Variants in HAPLN1 observed in about 807,000 individuals in gnomAD.
HAPLN1 encodes hyaluronan and proteoglycan link protein 1.
In HAPLN1, 13 loss-of-function variants were observed where a neutral mutation model predicts 36.5. That is an observed-to-expected ratio of 0.36 (90% CI 0.23 to 0.57). The LOEUF (loss-of-function observed/expected upper bound fraction) is 0.57, where lower values mean the gene tolerates loss of function less well. Among genes scored for constraint, HAPLN1 ranks in the 20% least tolerant of loss-of-function variants. The pLI is 0.83. For missense variants in HAPLN1, 407 were observed against 439.7 expected, an observed-to-expected ratio of 0.93 and a Z score of 0.66; for synonymous variants, 202 against 169.8, an observed-to-expected ratio of 1.19 and a Z score of -1.48.
chr5:83,705,762 C>T, intron 1 of HAPLN1, among the ~76,000 whole-genome samples: 1 of 151,908 alleles, frequency 6.6e-6, no homozygotes, highest in Non-Finnish European at 1.5e-5. Context: ...CAGAAAAACA[C>T]TCAAAAGATA....
At chr5:83,648,159 T>G (rs1259622289) in intron 3 of HAPLN1, among the ~76,000 whole-genome samples, 1 of 151,970 alleles carries the variant, frequency 6.6e-6, no homozygotes, top group Non-Finnish European at 1.5e-5. Flanking sequence ...TTGCCTGCTA[T>G]TTCTAGGTAG....
chr5:83,706,189 CAAA>C (rs1751646391), intron 1 of HAPLN1, among the ~76,000 whole-genome samples: 1 of 151,520 alleles, frequency 6.6e-6, no homozygotes, highest in Non-Finnish European at 1.5e-5. Context: ...TGTACCATTC[CAAA>C]AAATCAAGAA....
At chr5:83,685,118 T>C (rs2112612848) in intron 1 of HAPLN1, among the ~76,000 whole-genome samples, 1 of 152,316 alleles carries the variant, frequency 6.6e-6, no homozygotes, top group South Asian at 2.1e-4. Context: ...ATTTTCATAA[T>C]TGGTTATATC....
At chr5:83,649,262 C>T (rs1749975875) in intron 3 of HAPLN1, among the ~76,000 whole-genome samples, 2 of 151,568 alleles carry the variant, frequency 1.3e-5, no homozygotes, top group South Asian at 4.2e-4. Flanking sequence ...CTTATCCCAC[C>T]CTGCCACCAA....
chr5:83,688,116 G>A (rs1002562215), intron 1 of HAPLN1, among the ~76,000 whole-genome samples: 1 of 152,140 alleles, frequency 6.6e-6, no homozygotes, highest in Non-Finnish European at 1.5e-5. Flanking sequence ...TTTCTGGTCA[G>A]ACCCAAGTGT....
rs751299207 is a variant in HAPLN1 at position 83,644,474 on chromosome 5, G to A, written c.664C>T (p.Pro222Ser). The A allele has an allele frequency of 1.2e-6, 2 of 1,613,234 alleles. No individual in the cohort carries two copies. The highest frequency in any genetic ancestry group is 1.7e-6 in the Non-Finnish European group (2 of 1,179,634). Residue 222 changes from proline to serine, a missense_variant, in exon 4 of 5, where the codon CCC becomes TCC. Transcript: ENST00000274341. ...TTCTGCCCCCCACAGGGCTCTCTGGGCTTTGTGATGGGATATTGCACAGAG... is the reference window on the plus strand; with the variant it reads ...TTCTGCCCCCCACAGGGCTCTCTGGACTTTGTGATGGGATATTGCACAGAG... ...DGSVQYPITK[P>S]REPCGGQNTV... is the part of the protein sequence containing the mutation.
At chr5:83,708,850 T>G (rs1275735387) in intron 1 of HAPLN1, among the ~76,000 whole-genome samples, 1 of 152,164 alleles carries the variant, frequency 6.6e-6, no homozygotes, top group Admixed American at 6.5e-5. Flanking sequence ...CTAAAAATTA[T>G]CAGTTTATCT....
At chr5:83,647,024 T>G (rs1298394644) in intron 3 of HAPLN1, among the ~76,000 whole-genome samples, 1 of 152,206 alleles carries the variant, frequency 6.6e-6, no homozygotes, top group Non-Finnish European at 1.5e-5. Context: ...AATATTTTAA[T>G]TTATACTAAT....
intron 2 of HAPLN1, among the ~76,000 whole-genome samples, chr5:83,656,454 C>T (rs72771295): frequency 0.17 from 22,313 of 132,036 alleles, 2,130 homozygotes; most frequent in Non-Finnish European, 0.23. Flanking sequence ...AAAAAAACAA[C>T]ATGGCAAAAT....
intron 2 of HAPLN1, among the ~76,000 whole-genome samples, chr5:83,661,577 T>C (rs1750392839): frequency 6.6e-6 from 1 of 151,868 alleles, no homozygotes; most frequent in African/African-American, 2.4e-5. Flanking sequence ...CCCAAGTAGC[T>C]GGGACTACAG....
rs139651768 is a variant in HAPLN1, at chr5:83,640,014, T to A, written c.*1482A>T. ...TTCAGGAAACAGATTTATTTACTCA[T>A]GTTCATGGGAGGAAAATCTACATAA... On this transcript the variant is annotated 3_prime_UTR_variant, in exon 5 of 5. Transcript: ENST00000274341. 4 of 152,242 alleles carry A rather than the reference T, an allele frequency of 2.6e-5. No individual in the cohort carries two copies. The highest frequency in any genetic ancestry group is 9.6e-5 in the African/African-American group (4 of 41,574). The allele number at this position is 152,242 out of a possible 1,614,324, so 9.4% of individuals were successfully genotyped here. A position where few individuals can be genotyped will look rare whatever the true frequency, so the allele number is the denominator to read the frequency against.
At chr5:83,669,800 C>T (rs1376924601) in intron 2 of HAPLN1, among the ~76,000 whole-genome samples, 1 of 152,116 alleles carries the variant, frequency 6.6e-6, no homozygotes, top group African/African-American at 2.4e-5. Context: ...AAGCACTTTC[C>T]ACATATTATC....
intron 1 of HAPLN1, among the ~76,000 whole-genome samples, chr5:83,718,358 G>A (rs927029684): frequency 1.3e-5 from 2 of 152,136 alleles, no homozygotes; most frequent in African/African-American, 4.8e-5. Flanking sequence ...AGTATTTTAA[G>A]AAGCCGGTGA....
chr5:83,661,740 G>A (rs1750399786), intron 2 of HAPLN1, among the ~76,000 whole-genome samples: 1 of 152,010 alleles, frequency 6.6e-6, no homozygotes, highest in Admixed American at 6.6e-5. Flanking sequence ...ACGGCACCCG[G>A]CCCAGAAAAG....
At position 83,644,546 on chromosome 5, in the gene HAPLN1, A is replaced by G. The variant is rs762340867; in HGVS notation, c.592T>C (p.Trp198Arg). 2.5e-6 allele frequency: 4 copies of G among 1,608,542 alleles called. No homozygotes were observed. Among genetic ancestry groups the G allele is most frequent in the Admixed American group, 3.4e-5 (2 of 59,104 alleles). ...IASFDQLYDA[W>R]RGGLDWCNAG... Reference sequence around the variant, plus strand: ...TTGCACCAGTCCAGCCCGCCCCGCCAGGCGTCGTACAGCTGGTCGAAGGAG... The same window carrying G: ...TTGCACCAGTCCAGCCCGCCCCGCCGGGCGTCGTACAGCTGGTCGAAGGAG... Residue 198 changes from tryptophan to arginine, a missense_variant, in exon 4 of 5, where the codon TGG becomes CGG. Transcript: ENST00000274341.
intron 1 of HAPLN1, among the ~76,000 whole-genome samples, chr5:83,707,643 C>G (rs766847999): frequency 6.6e-6 from 1 of 152,104 alleles, no homozygotes; most frequent in African/African-American, 2.4e-5. Context: ...GGAAGATAAT[C>G]GAGGCAATAC....
intron 1 of HAPLN1, among the ~76,000 whole-genome samples, chr5:83,691,028 C>CA (rs1481640314): frequency 6.6e-6 from 1 of 151,888 alleles, no homozygotes; most frequent in African/African-American, 2.4e-5. Flanking sequence ...AGATAATGGA[C>CA]AAAATACAGA....
chr5:83,653,992 C>A (rs1356009524), intron 2 of HAPLN1, among the ~76,000 whole-genome samples: 1 of 152,172 alleles, frequency 6.6e-6, no homozygotes, highest in Admixed American at 6.5e-5. Context: ...AGACCTCCTG[C>A]CTTGGGCAGA....
chr5:83,697,621 G>A (rs1751421988), intron 1 of HAPLN1, among the ~76,000 whole-genome samples: 1 of 152,156 alleles, frequency 6.6e-6, no homozygotes, highest in South Asian at 2.1e-4. Context: ...GTATTCCAAA[G>A]CACGGCACTG....
Sources: gnomAD v4.1 joint callset for allele counts (sites outside exome capture counted in the v4.1 genomes callset) on GRCh38, gnomAD v4.1.1 for gene constraint, MANE v1.5 for transcripts, NCBI Gene and HGNC (gene_info 2026-07-23, HGNC 2026-07-21) for gene names.